Variants in CYP2C19 observed in about 807,000 individuals in gnomAD.
The protein encoded by CYP2C19 is cytochrome P450 2C19.
A neutral mutation model predicts 40.9 loss-of-function variants in CYP2C19; 59 were observed. The ratio of observed to expected loss-of-function variants is 1.44; its 90% confidence interval spans 1.17 to 1.79. The LOEUF is 1.79. CYP2C19 is among the 40% of genes most tolerant of loss of function. The pLI is 0.00. For synonymous variants in CYP2C19, 253 were observed against 208.7 expected (o/e 1.21, Z -1.83); for missense variants, 754 against 596.9 (o/e 1.26, Z -2.74).
chr10:94,789,160 G>A (rs1369254546), intron 5 of CYP2C19, among the ~76,000 whole-genome samples: 2 of 151,838 alleles, frequency 1.3e-5, no homozygotes, highest in African/African-American at 4.8e-5. Flanking sequence ...AGAAGGGTCT[G>A]TTGATATCCT....
intron 6 of CYP2C19, among the ~76,000 whole-genome samples, chr10:94,821,990 G>T (rs894330646): frequency 6.6e-6 from 1 of 151,374 alleles, no homozygotes; most frequent in African/African-American, 2.4e-5. Context: ...CCATCTTTAG[G>T]TTCATGTGTA....
intron 6 of CYP2C19, among the ~76,000 whole-genome samples, chr10:94,828,802 C>A (rs547337206): frequency 1.1e-4 from 16 of 151,776 alleles, no homozygotes; most frequent in Non-Finnish European, 1.8e-4. Context: ...CGGCTGGTAC[C>A]GGTTGTTCCT....
intron 8 of CYP2C19, among the ~76,000 whole-genome samples, chr10:94,851,040 C>G (rs1589380004): frequency 6.6e-6 from 1 of 152,132 alleles, no homozygotes; most frequent in Admixed American, 6.6e-5. Context: ...TTCCTTCAAG[C>G]ATTCACATTT....
intron 5 of CYP2C19, among the ~76,000 whole-genome samples, chr10:94,807,284 C>T (rs939281335): frequency 6.6e-6 from 1 of 152,020 alleles, no homozygotes; most frequent in Non-Finnish European, 1.5e-5. Flanking sequence ...TTTCTTTACC[C>T]ATTCATTTGT....
At chr10:94,846,877 G>A (rs551739275) in intron 7 of CYP2C19, among the ~76,000 whole-genome samples, 10 of 151,390 alleles carry the variant, frequency 6.6e-5, no homozygotes, top group East Asian at 3.9e-4. Context: ...TATCTCTCCC[G>A]TATCTTTAAA....
At chr10:94,852,309 C>T (rs1422649035) in intron 8 of CYP2C19, among the ~76,000 whole-genome samples, 7 of 152,162 alleles carry the variant, frequency 4.6e-5, no homozygotes, top group Non-Finnish European at 1.0e-4. Flanking sequence ...TGGCTGCATA[C>T]TGAGCCAGAA....
At chr10:94,787,876 T>C (rs1193530552) in intron 5 of CYP2C19, among the ~76,000 whole-genome samples, 1 of 152,146 alleles carries the variant, frequency 6.6e-6, no homozygotes, top group Non-Finnish European at 1.5e-5. Context: ...AAACGAATTT[T>C]AGAATAGTTT....
At chr10:94,829,575 T>C (rs1365720653) in intron 6 of CYP2C19, among the ~76,000 whole-genome samples, 1 of 152,144 alleles carries the variant, frequency 6.6e-6, no homozygotes, top group East Asian at 1.9e-4. Context: ...TTTCAAAGTT[T>C]TCAACTTCTT....
intron 5 of CYP2C19, among the ~76,000 whole-genome samples, chr10:94,818,906 G>T (rs1299258598): frequency 6.6e-6 from 1 of 152,006 alleles, no homozygotes; most frequent in Non-Finnish European, 1.5e-5. Context: ...TGATTGCCCT[G>T]GCCAGAACTT....
intron 5 of CYP2C19, among the ~76,000 whole-genome samples, chr10:94,783,948 T>C (rs1471878174): frequency 1.3e-5 from 2 of 152,192 alleles, no homozygotes; most frequent in Non-Finnish European, 2.9e-5. Flanking sequence ...GTTTAAAGCA[T>C]ACACCTAAGT....
intron 1 of CYP2C19, among the ~76,000 whole-genome samples, chr10:94,769,763 T>G (rs1848301273): frequency 6.6e-6 from 1 of 152,106 alleles, no homozygotes; most frequent in South Asian, 2.1e-4. Context: ...TTAGCCTGAT[T>G]TGGACTGGGT....
intron 6 of CYP2C19, among the ~76,000 whole-genome samples, chr10:94,821,915 A>T (rs1279450390): frequency 2.6e-5 from 4 of 152,084 alleles, no homozygotes; most frequent in East Asian, 3.9e-4. Context: ...TACCCAACAG[A>T]TGGTTCTCCA....
At chr10:94,842,387 A>G (rs77089923) in intron 6 of CYP2C19, among the ~76,000 whole-genome samples, 33 of 126,000 alleles carry the variant, frequency 2.6e-4, no homozygotes, top group South Asian at 1.3e-3. Flanking sequence ...TGTTTTTTTA[A>G]GTGAAGTTTT....
At chr10:94,822,720 C>T (rs537670943) in intron 6 of CYP2C19, among the ~76,000 whole-genome samples, 1 of 152,278 alleles carries the variant, frequency 6.6e-6, no homozygotes, top group Non-Finnish European at 1.5e-5. Context: ...TTGTCTGCAA[C>T]CTCACCAGCA....
chr10:94,842,077 C>T (rs771000069), intron 6 of CYP2C19, among the ~76,000 whole-genome samples: 2 of 152,136 alleles, frequency 1.3e-5, no homozygotes, highest in Non-Finnish European at 2.9e-5. Flanking sequence ...CTGTCCAATG[C>T]TGAAGTGGGT....
chr10:94,797,502 A>C (rs1183050728), intron 5 of CYP2C19, among the ~76,000 whole-genome samples: 1 of 152,098 alleles, frequency 6.6e-6, no homozygotes, highest in South Asian at 2.1e-4. Context: ...TGCTGGCCTC[A>C]TAAAATTAGT....
intron 6 of CYP2C19, among the ~76,000 whole-genome samples, chr10:94,828,714 A>T (rs1489646348): frequency 6.6e-6 from 1 of 151,624 alleles, no homozygotes; most frequent in Non-Finnish European, 1.5e-5. Context: ...TTATGATGTT[A>T]GCTGGTTATT....
chr10:94,791,624 C>T lies in CYP2C19; in HGVS notation c.819+9627C>T, dbSNP rs1326535483. ...ATTTCTGACTTCATTTCATTATTTA[C>T]CCAGTAGTCATTCAGGAGCAGGTTG... On this transcript the variant is annotated intron_variant, in intron 5 of 8. Coordinates refer to ENST00000371321, the MANE Select transcript of CYP2C19 (RefSeq NM_000769.4). Among the ~76,000 whole-genome samples the T allele has an allele frequency of 3.3e-5, 5 of 152,214 alleles. No individual in the cohort carries two copies. The East Asian group carries it at 9.6e-4, about 29-fold the overall frequency.
intron 5 of CYP2C19, among the ~76,000 whole-genome samples, chr10:94,805,614 T>C (rs2134256284): frequency 6.6e-6 from 1 of 152,302 alleles, no homozygotes; most frequent in Non-Finnish European, 1.5e-5. Flanking sequence ...CCGGGCATTG[T>C]AGATCATGCC....
Sources: gnomAD v4.1 joint callset for allele counts (sites outside exome capture counted in the v4.1 genomes callset) on GRCh38, gnomAD v4.1.1 for gene constraint, MANE v1.5 for transcripts, NCBI Gene and HGNC (gene_info 2026-07-23, HGNC 2026-07-21) for gene names.